DLG2: variants seen among roughly 807,000 people sequenced by gnomAD.
The protein encoded by DLG2 is discs large MAGUK scaffold protein 2, also known as disks large homolog 2.
DLG2 carries 45 observed loss-of-function variants against 132.5 expected under a neutral mutation model. The observed-to-expected ratio is 0.34, with a 90% CI of 0.27 to 0.44. The LOEUF is 0.44. Among genes scored for constraint, DLG2 ranks in the 20% least tolerant of loss-of-function variants. The pLI, the probability that DLG2 is intolerant of heterozygous loss-of-function variation, is 1.00. For synonymous variants in DLG2, 424 were observed against 419.6 expected (o/e 1.01, Z -0.13); for missense variants, 1,045 against 1,196.9 (o/e 0.87, Z 1.87).
intron 5 of DLG2, among the ~76,000 whole-genome samples, chr11:85,152,494 C>T (rs1205274710): frequency 6.6e-6 from 1 of 152,116 alleles, no homozygotes; most frequent in Non-Finnish European, 1.5e-5. Context: ...CCACCTTGGC[C>T]TCCCAAAGTG....
At chr11:83,858,934 T>A (rs557073661) in intron 16 of DLG2, among the ~76,000 whole-genome samples, 1 of 152,318 alleles carries the variant, frequency 6.6e-6, no homozygotes, top group East Asian at 1.9e-4. Context: ...TGATTTCAAC[T>A]CTGATATGGT....
At chr11:84,936,156 C>T (rs558538921) in intron 6 of DLG2, among the ~76,000 whole-genome samples, 8 of 152,014 alleles carry the variant, frequency 5.3e-5, no homozygotes, top group Non-Finnish European at 1.0e-4. Context: ...GTTAGGCCTA[C>T]GATACTGTAT....
At chr11:83,719,286 T>C (rs1359972683) in intron 18 of DLG2, among the ~76,000 whole-genome samples, 1 of 152,110 alleles carries the variant, frequency 6.6e-6, no homozygotes, top group Admixed American at 6.5e-5. Context: ...TTAGCAGAAA[T>C]GGAAGAGACG....
chr11:85,181,238 ATATATATGTG>A (rs1400772109), intron 4 of DLG2, among the ~76,000 whole-genome samples: 12 of 151,398 alleles, frequency 7.9e-5, no homozygotes, highest in South Asian at 4.1e-4. Flanking sequence ...GTATATGTGT[ATATATATGTG>A]TATATATGTG....
intron 18 of DLG2, among the ~76,000 whole-genome samples, chr11:83,685,460 C>T (rs1480257798): frequency 2.6e-5 from 4 of 152,148 alleles, no homozygotes; most frequent in African/African-American, 4.8e-5. Flanking sequence ...TCAATTACAA[C>T]TTCCCTGAAT....
At chr11:84,007,195 T>A (rs925611890) in intron 11 of DLG2, among the ~76,000 whole-genome samples, 3 of 151,684 alleles carry the variant, frequency 2.0e-5, no homozygotes, top group African/African-American at 7.2e-5. Context: ...TTGCTCACTA[T>A]GAAACAACAG....
At chr11:83,513,125 T>G (rs906519745) in intron 21 of DLG2, among the ~76,000 whole-genome samples, 1 of 152,240 alleles carries the variant, frequency 6.6e-6, no homozygotes, top group African/African-American at 2.4e-5. Context: ...TCCACAATGG[T>G]TGAACCAGTT....
At chr11:84,642,117 A>AGTGTGTGTGTGTGTGTATATGTAGAGTGT (rs2099667876) in intron 6 of DLG2, among the ~76,000 whole-genome samples, 3 of 138,734 alleles carry the variant, frequency 2.2e-5, no homozygotes, top group Non-Finnish European at 4.7e-5. Flanking sequence ...GTATATGTAG[A>AGTGTGTGTGTGTGTGTATATGTAGAGTGT]GTGTGTGTGT....
At chr11:84,407,202 A>G (rs1458436804) in intron 7 of DLG2, among the ~76,000 whole-genome samples, 1 of 151,720 alleles carries the variant, frequency 6.6e-6, no homozygotes, top group Non-Finnish European at 1.5e-5. Flanking sequence ...GGCTCCCCAA[A>G]CCTGGAAGTC....
At chr11:83,966,949 T>A (rs77323710) in intron 12 of DLG2, among the ~76,000 whole-genome samples, 5,846 of 152,136 alleles carry the variant, frequency 0.038, 336 homozygotes, top group African/African-American at 0.12. Context: ...ATATTTGACT[T>A]TTATTTTTTA....
At chr11:84,288,678 A>G (rs79854165) in intron 7 of DLG2, among the ~76,000 whole-genome samples, 1 of 151,968 alleles carries the variant, frequency 6.6e-6, no homozygotes, top group African/African-American at 2.4e-5. Context: ...CAACAGAAAA[A>G]CCCCTAAATG....
At chr11:85,115,255 C>G (rs944742577) in intron 5 of DLG2, among the ~76,000 whole-genome samples, 1 of 151,894 alleles carries the variant, frequency 6.6e-6, no homozygotes, top group Non-Finnish European at 1.5e-5. Flanking sequence ...AATCCTTATT[C>G]TCCTAAAGCC....
chr11:83,819,451 C>T (rs1185933949), intron 17 of DLG2, among the ~76,000 whole-genome samples: 2 of 95,846 alleles, frequency 2.1e-5, no homozygotes, highest in Non-Finnish European at 3.7e-5. Flanking sequence ...GCCTGGGAGA[C>T]AGAGCAAGAC....
chr11:84,999,118 G>A (rs1244963798), intron 6 of DLG2, among the ~76,000 whole-genome samples: 2 of 151,860 alleles, frequency 1.3e-5, no homozygotes, highest in Non-Finnish European at 2.9e-5. Flanking sequence ...AGAATGATTG[G>A]CTCAGATTAT....
chr11:83,643,354 T>C (rs527929547), intron 18 of DLG2, among the ~76,000 whole-genome samples: 7 of 152,162 alleles, frequency 4.6e-5, no homozygotes, highest in Admixed American at 1.3e-4. Context: ...TAGCTGCCAA[T>C]GGTGATTCTC....
chr11:83,863,944 T>C (rs1365037961), intron 16 of DLG2, among the ~76,000 whole-genome samples: 4 of 152,194 alleles, frequency 2.6e-5, no homozygotes, highest in African/African-American at 9.6e-5. Context: ...AACATTGATA[T>C]TGAAATGCAA....
At chr11:85,130,964 A>T (rs960907420) in intron 5 of DLG2, among the ~76,000 whole-genome samples, 1 of 152,204 alleles carries the variant, frequency 6.6e-6, no homozygotes, top group African/African-American at 2.4e-5. Flanking sequence ...TTCTTTAAAG[A>T]TGTTATATAC....
At chr11:85,471,918 T>C (rs1357305306) in intron 3 of DLG2, among the ~76,000 whole-genome samples, 1 of 152,098 alleles carries the variant, frequency 6.6e-6, no homozygotes, top group Non-Finnish European at 1.5e-5. Context: ...AATCTTAGAT[T>C]TAAAAAAAAG....
intron 6 of DLG2, among the ~76,000 whole-genome samples, chr11:84,910,468 A>G (rs2091952321): frequency 6.6e-6 from 1 of 152,212 alleles, no homozygotes; most frequent in Non-Finnish European, 1.5e-5. Context: ...ATTAACTTTA[A>G]TAAATAAAAA....
Sources: allele counts gnomAD v4.1 joint callset (sites outside exome capture counted in the v4.1 genomes callset), GRCh38; gene constraint gnomAD v4.1.1; transcripts MANE v1.5; gene names NCBI Gene and HGNC (gene_info 2026-07-23, HGNC 2026-07-21).